Variants in TBC1D1 observed in about 807,000 individuals in gnomAD.
The protein encoded by TBC1D1 is TBC1 domain family member 1.
TBC1D1 carries 89 observed loss-of-function variants against 125.6 expected under a neutral mutation model. The observed-to-expected ratio is 0.71, with a 90% CI of 0.60 to 0.85. TBC1D1 has a LOEUF of 0.85. TBC1D1 is among the 40% of genes least tolerant of loss of function. The probability of loss-of-function intolerance (pLI) is 0.00; values close to 1 mark genes in which losing one functional copy is unlikely to be tolerated. For synonymous variants in TBC1D1, 565 were observed against 564.1 expected (o/e 1.00, Z -0.02); for missense variants, 1,377 against 1,469.2 (o/e 0.94, Z 1.03).
intron 2 of TBC1D1, among the ~76,000 whole-genome samples, chr4:37,956,341 G>C (rs1051859583): frequency 6.6e-6 from 1 of 152,060 alleles, no homozygotes; most frequent in African/African-American, 2.4e-5. Flanking sequence ...AATACACTAT[G>C]CCATTTAAAA....
chr4:38,011,459 A>T (rs1741487651), intron 2 of TBC1D1, among the ~76,000 whole-genome samples: 1 of 152,110 alleles, frequency 6.6e-6, no homozygotes, highest in African/African-American at 2.4e-5. Context: ...TTTTTTATTT[A>T]GTCTCTTAGT....
intron 2 of TBC1D1, among the ~76,000 whole-genome samples, chr4:37,941,843 T>C (rs1725639418): frequency 6.6e-6 from 1 of 152,196 alleles, no homozygotes; most frequent in African/African-American, 2.4e-5. Context: ...TTTGAGTGAG[T>C]TTCTTAATCC....
At position 38,014,541 on chromosome 4, in the gene TBC1D1, G is replaced by A. The variant is rs1401322071; in HGVS notation, c.450G>A (p.Ala150=). 7.4e-6 allele frequency: 12 copies of A among 1,613,128 alleles called. No homozygotes were observed. Among genetic ancestry groups the A allele is most frequent in the East Asian group, 2.2e-5 (1 of 44,896 alleles). The change falls in exon 3 of 20, where the codon GCG becomes GCA. Residue 150 remains alanine, a synonymous_variant. Coordinates refer to ENST00000261439, the MANE Select transcript of TBC1D1 (RefSeq NM_015173.4). The surrounding 1 kb of genome is among the most constrained non-coding windows in gnomAD (Gnocchi z 5.1). ...AGATCATCAGCTCCATCCGTCAGGC[G>A]GGGAAGATCGCCCGGCAGGAGGAGC...
intron 12 of TBC1D1, among the ~76,000 whole-genome samples, chr4:38,068,378 T>G (rs1754098631): frequency 6.6e-6 from 1 of 152,166 alleles, no homozygotes; most frequent in Non-Finnish European, 1.5e-5. Flanking sequence ...CATTTCCTTT[T>G]GCCCAGGACA....
chr4:38,026,612 G>T (rs535659436), intron 6 of TBC1D1, among the ~76,000 whole-genome samples: 3 of 152,350 alleles, frequency 2.0e-5, no homozygotes, highest in South Asian at 2.1e-4. Flanking sequence ...GGCAAGAGCT[G>T]CCCTTGGAAG....
At chr4:38,069,245 TTGAG>T (rs1206086053) in intron 12 of TBC1D1, among the ~76,000 whole-genome samples, 7 of 152,298 alleles carry the variant, frequency 4.6e-5, no homozygotes, top group African/African-American at 1.4e-4. Flanking sequence ...CCATAACTGA[TTGAG>T]TATCACCAAC....
At chr4:38,059,829 G>A (rs1752440533) in intron 12 of TBC1D1, among the ~76,000 whole-genome samples, 1 of 152,152 alleles carries the variant, frequency 6.6e-6, no homozygotes. Context: ...CCATCACCTA[G>A]GTATTAAGTC....
At chr4:38,107,316 C>T (rs11931608) in intron 15 of TBC1D1, among the ~76,000 whole-genome samples, 1 of 152,218 alleles carries the variant, frequency 6.6e-6, no homozygotes, top group Admixed American at 6.5e-5. Flanking sequence ...CCCCACTCCT[C>T]TCACCCAAGG....
Position 38,138,591 on chromosome 4 carries a change from A to C in TBC1D1, c.*1256A>C, listed in dbSNP as rs1475321913. On this transcript the variant is annotated 3_prime_UTR_variant, in exon 20 of 20. Transcript: ENST00000261439. ...GCCTTCAACAAGCAAAATGCTGCTC[A>C]CGGTTGTCCTGCTTGCAGCCAGTCA... 2 of 152,654 alleles carry C rather than the reference A, an allele frequency of 1.3e-5. No homozygotes were observed. The highest frequency in any genetic ancestry group is 1.3e-4 in the Admixed American group (2 of 15,294). 9.5% of individuals were successfully genotyped at this position (152,654 alleles called of 1,614,324 possible).
chr4:37,999,600 C>T (rs950725517), intron 2 of TBC1D1, among the ~76,000 whole-genome samples: 2 of 151,904 alleles, frequency 1.3e-5, no homozygotes, highest in African/African-American at 4.8e-5. Flanking sequence ...CCTGGGAGAG[C>T]AGGCCTGTGG....
intron 10 of TBC1D1, among the ~76,000 whole-genome samples, chr4:38,046,971 A>C (rs1304007661): frequency 6.6e-6 from 1 of 152,116 alleles, no homozygotes; most frequent in Non-Finnish European, 1.5e-5. Context: ...TCCTAGACAT[A>C]TGGCTTTCAG....
At chr4:38,098,347 CTT>C in intron 14 of TBC1D1, among the ~76,000 whole-genome samples, 1 of 152,352 alleles carries the variant, frequency 6.6e-6, no homozygotes, top group East Asian at 1.9e-4. Context: ...CTTCAGGTGT[CTT>C]TGCTTCTGCG....
At chr4:38,087,994 G>A (rs1757827041) in intron 12 of TBC1D1, among the ~76,000 whole-genome samples, 1 of 149,208 alleles carries the variant, frequency 6.7e-6, no homozygotes, top group Non-Finnish European at 1.5e-5. Context: ...CACTGCCCTC[G>A]CTATCAGGAC....
intron 2 of TBC1D1, among the ~76,000 whole-genome samples, chr4:37,928,149 A>G (rs1186144481): frequency 6.6e-6 from 1 of 152,202 alleles, no homozygotes; most frequent in Non-Finnish European, 1.5e-5. Context: ...ATGAGTTAAG[A>G]TGTGTGAAGT....
chr4:37,996,071 G>A (rs1737733316), intron 2 of TBC1D1: 1 of 516,130 alleles, frequency 1.9e-6, no homozygotes, highest in Non-Finnish European at 3.9e-6. Flanking sequence ...CTTTTGCAAG[G>A]CCTATGTGGG....
chr4:37,971,760 G>A (rs144481135), intron 2 of TBC1D1, among the ~76,000 whole-genome samples: 44 of 152,318 alleles, frequency 2.9e-4, no homozygotes, highest in East Asian at 2.1e-3. Flanking sequence ...TCACTTGCTA[G>A]AATATATTTC....
chr4:38,044,899 C>T (rs1749097555), intron 9 of TBC1D1, among the ~76,000 whole-genome samples: 1 of 152,130 alleles, frequency 6.6e-6, no homozygotes, highest in Non-Finnish European at 1.5e-5. Context: ...CAAACTATGC[C>T]CATGGGCCAA....
At chr4:38,135,479 G>A (rs371868503) in intron 19 of TBC1D1, among the ~76,000 whole-genome samples, 2 of 152,236 alleles carry the variant, frequency 1.3e-5, no homozygotes, top group African/African-American at 4.8e-5. Context: ...TTCTATAAAA[G>A]CATCGGTGTT....
chr4:38,054,346 C>T lies in TBC1D1; in HGVS notation c.2050+8C>T, dbSNP rs758751334. The T allele has an allele frequency of 5.0e-6, 8 of 1,613,840 alleles. No individual in the cohort carries two copies. Among genetic ancestry groups the T allele is most frequent in the Non-Finnish European group, 6.8e-6 (8 of 1,179,936 alleles). Reference sequence around the variant, plus strand: ...CTTCCAGCAGATATGAAGGTAAGGCCGGTACCTGAAATGAAACCTCAAAGA... The same window carrying T: ...CTTCCAGCAGATATGAAGGTAAGGCTGGTACCTGAAATGAAACCTCAAAGA... On this transcript the variant is annotated splice_region_variant and intron_variant, in intron 12 of 19. Coordinates refer to ENST00000261439, the MANE Select transcript of TBC1D1 (RefSeq NM_015173.4).
Sources: allele counts gnomAD v4.1 joint callset (sites outside exome capture counted in the v4.1 genomes callset), GRCh38; gene constraint gnomAD v4.1.1; non-coding constraint Gnocchi (gnomAD v3.1); transcripts MANE v1.5; gene names NCBI Gene and HGNC (gene_info 2026-07-23, HGNC 2026-07-21).